BCAS3: variants seen among roughly 807,000 people sequenced by gnomAD.
BCAS3 encodes the protein BCAS3 microtubule associated cell migration factor.
A neutral mutation model predicts 116.1 loss-of-function variants in BCAS3; 53 were observed. The observed-to-expected ratio is 0.46, with a 90% CI of 0.37 to 0.57. BCAS3 has a LOEUF of 0.57. Ranked by LOEUF, BCAS3 falls within the 20% of genes least tolerant of loss-of-function variation. BCAS3 has a pLI of 0.00. For missense variants in BCAS3, 917 were observed against 1,165.4 expected, an observed-to-expected ratio of 0.79 and a Z score of 3.10; for synonymous variants, 391 against 408.2, an observed-to-expected ratio of 0.96 and a Z score of 0.51.
chr17:60,714,008 AT>A (rs36014133), intron 5 of BCAS3, among the ~76,000 whole-genome samples: 5 of 151,388 alleles, frequency 3.3e-5, no homozygotes, highest in Admixed American at 6.6e-5. Flanking sequence ...TAATTTTTGT[AT>A]TTTTTTTAGT....
At chr17:60,875,833 A>C (rs2055554351) in intron 9 of BCAS3, among the ~76,000 whole-genome samples, 1 of 151,972 alleles carries the variant, frequency 6.6e-6, no homozygotes, top group African/African-American at 2.4e-5. Flanking sequence ...TATTTTGGGA[A>C]ATATATACAT....
At position 61,205,652 on chromosome 17, in the gene BCAS3, G is replaced by A. The variant is rs2081077095; in HGVS notation, c.2425+121088G>A. On this transcript the variant is annotated intron_variant, in intron 22 of 23. Coordinates refer to ENST00000407086, the MANE Select transcript of BCAS3 (RefSeq NM_017679.5). This position sits in a 1 kb window ranked among gnomAD's most constrained non-coding sequence, Gnocchi z 5.2. ...AACCCTGCCGTTGGTCTGGAGTGAA[G>A]CAGAGCAGGAGAAAGGGCTCCTCAT... is the stretch of plus-strand genomic sequence containing the variant. Among the ~76,000 whole-genome samples the A allele has an allele frequency of 6.6e-6, 1 of 152,178 alleles. No individual in the cohort carries two copies. Among genetic ancestry groups the A allele is most frequent in the South Asian group, 2.1e-4 (1 of 4,832 alleles).
intron 12 of BCAS3, 65 bp from the exon 13 acceptor site, chr17:60,924,342 A>G: frequency 2.2e-6 from 3 of 1,384,560 alleles, no homozygotes; most frequent in Non-Finnish European, 3.1e-6. Context: ...GCCTTCTTAT[A>G]GGCTTCAAGC....
At position 61,217,769 on chromosome 17, in the gene BCAS3, T is replaced by C. The variant is rs1249910159; in HGVS notation, c.2425+133205T>C. On this transcript the variant is annotated intron_variant, in intron 22 of 23. Transcript: ENST00000407086. The surrounding 1 kb of genome is among the most constrained non-coding windows in gnomAD (Gnocchi z 5.2). ...ACATCCCACACTGCTTTGCTTCTAC[T>C]CCTCTAAGCCTTTTTTCCCCTCCCT... 3.3e-5 allele frequency among the ~76,000 whole-genome samples: 5 copies of C among 152,334 alleles called. No homozygotes were observed. The highest frequency in any genetic ancestry group is 3.9e-4 in the East Asian group (2 of 5,192).
intron 22 of BCAS3, among the ~76,000 whole-genome samples, chr17:61,274,024 A>G (rs1341936551): frequency 1.3e-5 from 2 of 150,580 alleles, no homozygotes; most frequent in Non-Finnish European, 3.0e-5. Context: ...TTTGTTACAT[A>G]TGTATACATG....
Position 61,140,026 on chromosome 17 carries a change from A to G in BCAS3, c.2425+55462A>G, listed in dbSNP as rs1477915944. The stretch of plus-strand genomic sequence containing the variant: ...CGAGGTGGATAGATCACTTGAGGTC[A>G]GGAGTTCGAGGTCAGACTGGCCAAT... On this transcript the variant is annotated intron_variant, in intron 22 of 23. Transcript: ENST00000407086. This position sits in a 1 kb window ranked among gnomAD's most constrained non-coding sequence, Gnocchi z 4.2. 1.3e-5 allele frequency among the ~76,000 whole-genome samples: 2 copies of G among 152,174 alleles called. No homozygotes were observed. The highest frequency in any genetic ancestry group is 2.9e-5 in the Non-Finnish European group (2 of 68,036).
At chr17:60,986,452 C>T (rs1372455544) in intron 14 of BCAS3, among the ~76,000 whole-genome samples, 2 of 152,178 alleles carry the variant, frequency 1.3e-5, no homozygotes, top group African/African-American at 4.8e-5. Context: ...ATTTACATTC[C>T]CACCAATAGT....
intron 22 of BCAS3, among the ~76,000 whole-genome samples, chr17:61,298,998 T>C (rs890846797): frequency 2.6e-5 from 4 of 151,856 alleles, no homozygotes; most frequent in African/African-American, 9.7e-5. Context: ...ACTTTTTATA[T>C]TTTTAGTAGA....
chr17:61,388,359 C>T lies in BCAS3; in HGVS notation c.2594-3618C>T, dbSNP rs1391582066. 9.0e-6 allele frequency: 4 copies of T among 443,380 alleles called. No homozygotes were observed. The highest frequency in any genetic ancestry group is 2.0e-5 in the African/African-American group (1 of 50,060). The allele number at this position is 443,380 out of a possible 1,614,324, so 27.5% of individuals were successfully genotyped here. A position where few individuals can be genotyped will look rare whatever the true frequency, so the allele number is the denominator to read the frequency against. On this transcript the variant is annotated intron_variant, in intron 23 of 23. Coordinates refer to ENST00000407086, the MANE Select transcript of BCAS3 (RefSeq NM_017679.5). The surrounding 1 kb of genome is among the most constrained non-coding windows in gnomAD (Gnocchi z 6.5). ...TGTTCTTCATGTTGAACCTGTGACT[C>T]CTCTCCCCCTCCCCCACTCTGAACG...
At position 61,211,755 on chromosome 17, in the gene BCAS3, T is replaced by A. The variant is rs1318651552; in HGVS notation, c.2425+127191T>A. ...CAGTCTGTTCCCACACATGAAGTGT[T>A]ATGCTTCAAATAACCGCTCAACAGC... On this transcript the variant is annotated intron_variant, in intron 22 of 23. Transcript: ENST00000407086. The surrounding 1 kb of genome is among the most constrained non-coding windows in gnomAD (Gnocchi z 4.4). Among the ~76,000 whole-genome samples the A allele has an allele frequency of 2.6e-5, 4 of 152,128 alleles. No individual in the cohort carries two copies. Among genetic ancestry groups the A allele is most frequent in the Non-Finnish European group, 5.9e-5 (4 of 68,026 alleles).
intron 14 of BCAS3, chr17:60,987,131 A>G (rs1047482810): frequency 4.6e-5 from 7 of 152,112 alleles, no homozygotes; most frequent in Non-Finnish European, 1.0e-4. Flanking sequence ...GTTGAAAATG[A>G]GTTCACTGTA....
At chr17:60,713,093 GA>G (rs574030262) in intron 5 of BCAS3, among the ~76,000 whole-genome samples, 26 of 152,286 alleles carry the variant, frequency 1.7e-4, no homozygotes, top group African/African-American at 6.3e-4. Context: ...AGAGCTTCAG[GA>G]AAGGGAACTT....
At chr17:60,945,236 AAG>A (rs2060424234) in intron 13 of BCAS3, among the ~76,000 whole-genome samples, 1 of 152,238 alleles carries the variant, frequency 6.6e-6, no homozygotes, top group African/African-American at 2.4e-5. Context: ...GTCAAACAAA[AAG>A]AAGTCAAAAT....
intron 6 of BCAS3, among the ~76,000 whole-genome samples, chr17:60,764,438 T>C (rs2043875514): frequency 1.3e-5 from 2 of 152,216 alleles, no homozygotes; most frequent in Non-Finnish European, 2.9e-5. Context: ...TATTTCTGCC[T>C]TCATTTAGTT....
intron 10 of BCAS3, chr17:60,891,676 C>T (rs1318444612): frequency 4.4e-6 from 2 of 455,426 alleles, no homozygotes; most frequent in South Asian, 3.1e-5. Context: ...TTGAGATTCA[C>T]AGGGTACACG....
intron 5 of BCAS3, among the ~76,000 whole-genome samples, chr17:60,732,377 A>G (rs2040544325): frequency 6.6e-6 from 1 of 152,204 alleles, no homozygotes; most frequent in Non-Finnish European, 1.5e-5. Flanking sequence ...GTTGCAAGTA[A>G]AAACATATAA....
chr17:61,125,390 CATATT>C (rs969693115), intron 22 of BCAS3, among the ~76,000 whole-genome samples: 23 of 152,118 alleles, frequency 1.5e-4, no homozygotes, highest in African/African-American at 5.6e-4. Flanking sequence ...GCTTCAATGA[CATATT>C]TGTTTTCTCA....
At chr17:61,179,639 C>CTCT (rs1422134193) in intron 22 of BCAS3, among the ~76,000 whole-genome samples, 1 of 152,198 alleles carries the variant, frequency 6.6e-6, no homozygotes, top group Non-Finnish European at 1.5e-5. Flanking sequence ...AACCCTCTAT[C>CTCT]TCTTGCCTCT....
Position 60,857,643 on chromosome 17 carries a change from T to C in BCAS3, c.477-10933T>C, listed in dbSNP as rs775889327. Among the ~76,000 whole-genome samples the C allele has an allele frequency of 1.3e-3, 195 of 152,290 alleles. 1 individual carries two copies. The highest frequency in any genetic ancestry group is 1.8e-3 in the Non-Finnish European group (125 of 68,018). Reference sequence around the variant, plus strand: ...AGCCTGCCCATGAGGAAAATTAAGATTGTCTTGCTATGTTCCATGGAAATG... The same window carrying C: ...AGCCTGCCCATGAGGAAAATTAAGACTGTCTTGCTATGTTCCATGGAAATG... On this transcript the variant is annotated intron_variant, in intron 7 of 23. Transcript: ENST00000407086.
Sources: gnomAD v4.1 joint callset for allele counts (sites outside exome capture counted in the v4.1 genomes callset) on GRCh38, gnomAD v4.1.1 for gene constraint, Gnocchi (gnomAD v3.1) non-coding constraint, MANE v1.5 for transcripts, NCBI Gene and HGNC (gene_info 2026-07-23, HGNC 2026-07-21) for gene names.